The following SDK2 variants were observed in gnomAD, a reference collection of about 807,000 sequenced individuals.
SDK2 encodes the protein protein sidekick-2.
A neutral mutation model predicts 253.9 loss-of-function variants in SDK2; 105 were observed. The observed-to-expected ratio is 0.41, with a 90% CI of 0.35 to 0.49. The LOEUF is 0.49. Among genes scored for constraint, SDK2 ranks in the 20% least tolerant of loss-of-function variants. The pLI is 0.06. For missense variants in SDK2, 2,608 were observed against 3,003.0 expected (o/e 0.87, Z 3.07); for synonymous variants, 1,249 against 1,234.9 (o/e 1.01, Z -0.24).
intron 1 of SDK2, among the ~76,000 whole-genome samples, chr17:73,600,210 C>G (rs1028366397): frequency 1.5e-4 from 23 of 152,176 alleles, no homozygotes; most frequent in African/African-American, 5.5e-4. Context: ...TCGGTCCCAT[C>G]CAGCAGCACT....
intron 1 of SDK2, among the ~76,000 whole-genome samples, chr17:73,594,241 C>G (rs1044099694): frequency 6.6e-6 from 1 of 152,116 alleles, no homozygotes; most frequent in African/African-American, 2.4e-5. Flanking sequence ...GAAGGTCAGC[C>G]ACTGGACAGC....
intron 2 of SDK2, among the ~76,000 whole-genome samples, chr17:73,474,442 C>A (rs1052708603): frequency 1.2e-4 from 19 of 152,336 alleles, no homozygotes; most frequent in African/African-American, 3.8e-4. Flanking sequence ...ATCCCAAGGG[C>A]CCCACCCTCC....
chr17:73,531,032 G>A (rs182207362), intron 1 of SDK2, among the ~76,000 whole-genome samples: 7 of 151,988 alleles, frequency 4.6e-5, no homozygotes, highest in South Asian at 2.1e-4. Flanking sequence ...TCCTTTTCCC[G>A]CCTTTCCTTC....
rs1196985805 is a variant in SDK2 at position 73,457,326 on chromosome 17, C to T, written c.332-1273G>A. The stretch of plus-strand genomic sequence containing the variant: ...CCCCCTCCCCCCCTCCCCTCTCCTC[C>T]CCTCCCCTCTCCTCTCCTCTCTTTC... On this transcript the variant is annotated intron_variant, in intron 3 of 44. Coordinates refer to ENST00000392650, the MANE Select transcript of SDK2 (RefSeq NM_001144952.2). 5.9e-3 allele frequency among the ~76,000 whole-genome samples: 739 copies of T among 124,674 alleles called. 14 individuals are homozygous for T. The highest frequency in any genetic ancestry group is 0.015 in the African/African-American group (500 of 32,536). 81.8% of individuals were successfully genotyped at this position (124,674 alleles called of 152,430 possible). A position where few individuals can be genotyped will look rare whatever the true frequency, so the allele number is the denominator to read the frequency against.
intron 1 of SDK2, among the ~76,000 whole-genome samples, chr17:73,621,530 G>C (rs1211915730): frequency 6.6e-6 from 1 of 152,022 alleles, no homozygotes; most frequent in Non-Finnish European, 1.5e-5. Flanking sequence ...TGCAATAAAT[G>C]ACAATGTGCT....
intron 12 of SDK2, among the ~76,000 whole-genome samples, chr17:73,428,659 G>A (rs920060629): frequency 4.6e-5 from 7 of 152,148 alleles, no homozygotes; most frequent in African/African-American, 1.7e-4. Context: ...CAATCCTGGT[G>A]ACACATTAGA....
At chr17:73,450,157 C>T (rs1480628942) in intron 4 of SDK2, among the ~76,000 whole-genome samples, 1 of 152,174 alleles carries the variant, frequency 6.6e-6, no homozygotes, top group East Asian at 1.9e-4. Flanking sequence ...GGGTCCTCCC[C>T]GTGCAGGGCT....
At chr17:73,444,446 G>T (rs945269089) in intron 5 of SDK2, among the ~76,000 whole-genome samples, 1 of 152,186 alleles carries the variant, frequency 6.6e-6, no homozygotes, top group African/African-American at 2.4e-5. Flanking sequence ...TGTCTTCCCG[G>T]TGAGCTCCTG....
At chr17:73,529,627 C>T (rs1271761460) in intron 1 of SDK2, among the ~76,000 whole-genome samples, 1 of 152,054 alleles carries the variant, frequency 6.6e-6, no homozygotes, top group Non-Finnish European at 1.5e-5. Flanking sequence ...ATGACTAGTG[C>T]CCTTACAAGA....
rs576282241 is a variant in SDK2, at chr17:73,511,032, T to C, written c.65-3435A>G. ...GGATGGAGAGGCTGATGGGCACCCATTTGCCAAGGAAAAGGACCCACTGCC... is the reference window on the plus strand; with the variant it reads ...GGATGGAGAGGCTGATGGGCACCCACTTGCCAAGGAAAAGGACCCACTGCC... On this transcript the variant is annotated intron_variant, in intron 1 of 44. Transcript: ENST00000392650. This position sits in a 1 kb window ranked among gnomAD's most constrained non-coding sequence, Gnocchi z 4.9. Among the ~76,000 whole-genome samples the C allele has an allele frequency of 6.6e-6, 1 of 152,218 alleles. No homozygotes were observed. Among genetic ancestry groups the C allele is most frequent in the East Asian group, 1.9e-4 (1 of 5,176 alleles).
At chr17:73,374,291 T>C (rs2062759245) in intron 36 of SDK2, among the ~76,000 whole-genome samples, 1 of 144,588 alleles carries the variant, frequency 6.9e-6, no homozygotes, top group Non-Finnish European at 1.5e-5. Flanking sequence ...TCTGACTCTG[T>C]TCTGTCTCCC....
intron 16 of SDK2, among the ~76,000 whole-genome samples, chr17:73,417,228 A>C (rs1335543455): frequency 1.5e-5 from 2 of 131,474 alleles, no homozygotes; most frequent in Non-Finnish European, 1.6e-5. Context: ...AAAAGATGAA[A>C]TCTTGTCTCT....
At chr17:73,398,680 T>C (rs2062993040) in intron 22 of SDK2, among the ~76,000 whole-genome samples, 1 of 152,328 alleles carries the variant, frequency 6.6e-6, no homozygotes, top group East Asian at 1.9e-4. Flanking sequence ...AGAATGAGTT[T>C]AAATCTAACT....
intron 16 of SDK2, among the ~76,000 whole-genome samples, chr17:73,416,738 C>T (rs1002556648): frequency 2.0e-5 from 3 of 151,864 alleles, no homozygotes; most frequent in East Asian, 3.9e-4. Context: ...TACAGGCATG[C>T]GCTCCCATGC....
rs774871709 is a variant in SDK2 at position 73,398,194 on chromosome 17, G to A, written c.3204-9C>T. The A allele has an allele frequency of 6.2e-7, 1 of 1,609,402 alleles. No individual in the cohort carries two copies. The highest frequency in any genetic ancestry group is 1.7e-5 in the Admixed American group (1 of 59,748). ...CCTGGCGCATGCGGAAGCTGGGGTT[G>A]GGGAGAGATGAGCAAGATGGTAAGG... On this transcript the variant is annotated splice_polypyrimidine_tract_variant and intron_variant, in intron 23 of 44. Coordinates refer to ENST00000392650, the MANE Select transcript of SDK2 (RefSeq NM_001144952.2).
chr17:73,564,836 A>T (rs925360438), intron 1 of SDK2, among the ~76,000 whole-genome samples: 1 of 151,854 alleles, frequency 6.6e-6, no homozygotes, highest in Non-Finnish European at 1.5e-5. Flanking sequence ...AAAAAAAACA[A>T]AAAACAAAAA....
chr17:73,641,259 G>C (rs1225618875), intron 1 of SDK2: 2 of 152,236 alleles, frequency 1.3e-5, no homozygotes, highest in East Asian at 1.9e-4. Flanking sequence ...CTATGTGCCA[G>C]GCACTGGCTG....
Position 73,616,125 on chromosome 17 carries a change from T to C in SDK2, c.64+27900A>G, listed in dbSNP as rs979846682. On this transcript the variant is annotated intron_variant, in intron 1 of 44. Coordinates refer to ENST00000392650, the MANE Select transcript of SDK2 (RefSeq NM_001144952.2). The surrounding 1 kb of genome is among the most constrained non-coding windows in gnomAD (Gnocchi z 5.2). Reference sequence around the variant, plus strand: ...GCATGAAGTAGACATATGATCCAGTTTGTGGAATCGGTACCTCCTCTTCCC... The same window carrying C: ...GCATGAAGTAGACATATGATCCAGTCTGTGGAATCGGTACCTCCTCTTCCC... Among the ~76,000 whole-genome samples, 1 of 152,180 alleles carries C rather than the reference T, an allele frequency of 6.6e-6. No homozygotes were observed. The highest frequency in any genetic ancestry group is 6.5e-5 in the Admixed American group (1 of 15,280).
intron 27 of SDK2, 55 bp from the exon 28 acceptor site, chr17:73,391,593 A>C: frequency 3.0e-6 from 3 of 991,592 alleles, no homozygotes; most frequent in Non-Finnish European, 4.0e-6. Flanking sequence ...TCAGCTGGGG[A>C]TGAGCCCAGC....
Sources: gnomAD v4.1 joint callset for allele counts (sites outside exome capture counted in the v4.1 genomes callset) on GRCh38, gnomAD v4.1.1 for gene constraint, Gnocchi (gnomAD v3.1) non-coding constraint, MANE v1.5 for transcripts, NCBI Gene and HGNC (gene_info 2026-07-23, HGNC 2026-07-21) for gene names.